Variants in CDK5RAP2 observed in about 807,000 individuals in gnomAD.
The protein encoded by CDK5RAP2 is CDK5 regulatory subunit-associated protein 2.
A neutral mutation model predicts 232.9 loss-of-function variants in CDK5RAP2; 147 were observed. The ratio of observed to expected loss-of-function variants is 0.63; its 90% CI spans 0.55 to 0.72. CDK5RAP2 has a LOEUF of 0.72. CDK5RAP2 is among the 30% of genes least tolerant of loss of function. CDK5RAP2 has a pLI of 0.00. For missense variants in CDK5RAP2, 2,195 were observed against 2,231.5 expected (o/e 0.98, Z 0.33); for synonymous variants, 833 against 833.7 (o/e 1.00, Z 0.01).
chr9:120,530,627 A>G (rs2041108186), intron 7 of CDK5RAP2, among the ~76,000 whole-genome samples: 1 of 152,080 alleles, frequency 6.6e-6, no homozygotes, highest in Non-Finnish European at 1.5e-5. Context: ...ACAATGACAC[A>G]CTGGATTAAG....
At chr9:120,439,327 A>G in intron 24 of CDK5RAP2, 72 bp downstream of exon 24, 1 of 1,271,480 alleles carries the variant, frequency 7.9e-7, no homozygotes, top group Non-Finnish European at 1.1e-6. Flanking sequence ...CTTTTAGCTC[A>G]TGGGCTCCCA....
At chr9:120,459,023 C>T (rs572675295) in intron 19 of CDK5RAP2, among the ~76,000 whole-genome samples, 3 of 152,194 alleles carry the variant, frequency 2.0e-5, no homozygotes, top group Non-Finnish European at 4.4e-5. Context: ...ACAGCCCAAT[C>T]CTTGAAAGTT....
chr9:120,510,054 C>T (rs2040007929), intron 12 of CDK5RAP2, among the ~76,000 whole-genome samples: 1 of 152,098 alleles, frequency 6.6e-6, no homozygotes. Context: ...TAGCCCTAAC[C>T]AACCAGCCTG....
intron 12 of CDK5RAP2, 86 bp from the exon 13 acceptor site, chr9:120,491,563 G>C: frequency 1.1e-6 from 1 of 883,046 alleles, no homozygotes; most frequent in Non-Finnish European, 1.8e-6. Context: ...ACTGCTACAA[G>C]AGAGCAAGAT....
chr9:120,527,159 C>A (rs2040940094), intron 10 of CDK5RAP2, among the ~76,000 whole-genome samples: 1 of 152,136 alleles, frequency 6.6e-6, no homozygotes, highest in Non-Finnish European at 1.5e-5. Flanking sequence ...ATAGTAAGGA[C>A]AAGAAAACAG....
At chr9:120,455,103 T>C (rs1028534053) in intron 20 of CDK5RAP2, among the ~76,000 whole-genome samples, 2 of 152,136 alleles carry the variant, frequency 1.3e-5, no homozygotes, top group African/African-American at 2.4e-5. Context: ...GATACAAAAC[T>C]GTCCCAGGAG....
intron 13 of CDK5RAP2, 137 bp downstream of exon 13, chr9:120,491,170 T>C: frequency 1.4e-6 from 1 of 723,358 alleles, no homozygotes. Flanking sequence ...GAAGCCCAAA[T>C]GACATAATTA....
chr9:120,413,730 T>C (rs1167274878), intron 28 of CDK5RAP2, among the ~76,000 whole-genome samples: 1 of 152,052 alleles, frequency 6.6e-6, no homozygotes, highest in Non-Finnish European at 1.5e-5. Flanking sequence ...TTTCCTGTGT[T>C]TGATACAACT....
intron 4 of CDK5RAP2, among the ~76,000 whole-genome samples, chr9:120,548,912 T>G: frequency 6.6e-6 from 1 of 152,178 alleles, no homozygotes; most frequent in East Asian, 1.9e-4. Context: ...ATCCAAGCAC[T>G]TTGGGAGGCC....
At chr9:120,414,749 G>A (rs1178591407) in intron 28 of CDK5RAP2, among the ~76,000 whole-genome samples, 1 of 152,186 alleles carries the variant, frequency 6.6e-6, no homozygotes, top group Non-Finnish European at 1.5e-5. Flanking sequence ...AGACTGGCAT[G>A]TGAAATTTAC....
intron 11 of CDK5RAP2, among the ~76,000 whole-genome samples, chr9:120,519,189 A>G (rs1255093438): frequency 6.6e-6 from 1 of 152,018 alleles, no homozygotes; most frequent in African/African-American, 2.4e-5. Context: ...AAAAAAAAGA[A>G]AAAAAGAAAA....
chr9:120,398,198 T>C (rs2032689641), intron 35 of CDK5RAP2, among the ~76,000 whole-genome samples: 1 of 152,240 alleles, frequency 6.6e-6, no homozygotes, highest in Non-Finnish European at 1.5e-5. Context: ...ATTCTTTTAA[T>C]GGATGATAAT....
chr9:120,392,017 A>C (rs530505327), intron 36 of CDK5RAP2, among the ~76,000 whole-genome samples: 18 of 152,304 alleles, frequency 1.2e-4, no homozygotes, highest in Admixed American at 6.5e-4. Context: ...ATGGAGATGG[A>C]CAATACCAGC....
chr9:120,556,081 A>G (rs943289299), intron 3 of CDK5RAP2, among the ~76,000 whole-genome samples: 3 of 152,214 alleles, frequency 2.0e-5, no homozygotes, highest in African/African-American at 7.2e-5. Flanking sequence ...AGTTGTTGAT[A>G]TTACGGAACT....
At chr9:120,477,553 A>G in intron 14 of CDK5RAP2, 103 bp from the exon 15 acceptor site, 2 of 937,190 alleles carry the variant, frequency 2.1e-6, no homozygotes, top group Middle Eastern at 2.3e-4. Context: ...TTAAAATCAA[A>G]CGAAGGTGAG....
chr9:120,531,967 C>T (rs1268441031), intron 7 of CDK5RAP2, among the ~76,000 whole-genome samples: 5 of 152,024 alleles, frequency 3.3e-5, no homozygotes, highest in Non-Finnish European at 5.9e-5. Context: ...AAAATTGAAG[C>T]ACTGTGTTGT....
chr9:120,414,196 T>G (rs1057105899), intron 28 of CDK5RAP2, among the ~76,000 whole-genome samples: 29 of 152,200 alleles, frequency 1.9e-4, no homozygotes, highest in African/African-American at 5.1e-4. Flanking sequence ...ATTGCCTCAT[T>G]TAATCTCGCA....
At chr9:120,480,210 C>T (rs1215615067) in intron 14 of CDK5RAP2, among the ~76,000 whole-genome samples, 1 of 152,150 alleles carries the variant, frequency 6.6e-6, no homozygotes, top group Non-Finnish European at 1.5e-5. Context: ...TTTATATTGA[C>T]TTGTGTTTTC....
At chr9:120,534,420 G>A (rs2041297648) in intron 7 of CDK5RAP2, among the ~76,000 whole-genome samples, 1 of 152,032 alleles carries the variant, frequency 6.6e-6, no homozygotes, top group Non-Finnish European at 1.5e-5. Flanking sequence ...ACCCAGCATT[G>A]ATCCTACTTA....
Sources: gnomAD v4.1 joint callset for allele counts (sites outside exome capture counted in the v4.1 genomes callset) on GRCh38, gnomAD v4.1.1 for gene constraint, MANE v1.5 for transcripts, NCBI Gene and HGNC (gene_info 2026-07-23, HGNC 2026-07-21) for gene names.